MLN: variants seen among roughly 807,000 people sequenced by gnomAD.
The protein encoded by MLN is promotilin.
A neutral mutation model predicts 13.3 loss-of-function variants in MLN; 14 were observed. The observed-to-expected ratio is 1.05, with a 90% CI of 0.69 to 1.64. The LOEUF is 1.64. MLN is among the 40% of genes most tolerant of loss of function. The pLI, the probability that MLN is intolerant of heterozygous loss-of-function variation, is 0.00. For missense variants in MLN, 122 were observed against 142.9 expected (o/e 0.85, Z 0.75); for synonymous variants, 59 against 54.7 (o/e 1.08, Z -0.34).
intron 3 of MLN, among the ~76,000 whole-genome samples, chr6:33,796,928 G>A (rs574219330): frequency 3.9e-5 from 6 of 152,176 alleles, no homozygotes; most frequent in South Asian, 2.1e-4. Flanking sequence ...CTCAAACTCC[G>A]ACTCAGCTGC....
At chr6:33,802,927 C>T (rs1254902925) in intron 1 of MLN, among the ~76,000 whole-genome samples, 4 of 152,152 alleles carry the variant, frequency 2.6e-5, no homozygotes, top group Non-Finnish European at 5.9e-5. Context: ...CATCCCATTT[C>T]CTTCACAGAG....
intron 3 of MLN, among the ~76,000 whole-genome samples, chr6:33,798,856 G>A (rs960539710): frequency 6.6e-6 from 1 of 152,036 alleles, no homozygotes; most frequent in Non-Finnish European, 1.5e-5. Flanking sequence ...CAGGGACAAA[G>A]CAGTCTCCCA....
chr6:33,797,778 C>G (rs929866120), intron 3 of MLN, among the ~76,000 whole-genome samples: 1 of 152,118 alleles, frequency 6.6e-6, no homozygotes, highest in Non-Finnish European at 1.5e-5. Context: ...TGCCTTTGTC[C>G]GGTCCCTTCA....
chr6:33,801,295 C>T, intron 1 of MLN, 125 bp from the exon 2 acceptor site: 1 of 695,062 alleles, frequency 1.4e-6, no homozygotes, highest in South Asian at 1.8e-5. Context: ...TCAGCCAAAG[C>T]TCAGCCTGTC....
chr6:33,795,779 G>C (rs1767902728), intron 3 of MLN, among the ~76,000 whole-genome samples, 174 bp from the exon 4 acceptor site: 1 of 152,080 alleles, frequency 6.6e-6, no homozygotes. Context: ...TAACCAGAGG[G>C]CTGGATCCTG....
rs1767868002 is a variant in MLN at position 33,794,712 on chromosome 6, T to C, written c.*113A>G. The C allele has an allele frequency of 4.8e-6, 6 of 1,247,336 alleles. No individual in the cohort carries two copies. The highest frequency in any genetic ancestry group is 6.7e-6 in the Non-Finnish European group (6 of 900,918). 77.3% of individuals were successfully genotyped at this position (1,247,336 alleles called of 1,614,324 possible). On this transcript the variant is annotated 3_prime_UTR_variant, in exon 5 of 5. Transcript: ENST00000430124. ...TTTATTTGCTGGAGGGGAATTTGCTTTGGAAAGGGTGTTTTCCTTCCAAGC... is the reference window on the plus strand; with the variant it reads ...TTTATTTGCTGGAGGGGAATTTGCTCTGGAAAGGGTGTTTTCCTTCCAAGC...
intron 3 of MLN, among the ~76,000 whole-genome samples, chr6:33,796,484 C>G (rs959492322): frequency 6.6e-6 from 1 of 152,200 alleles, no homozygotes; most frequent in Admixed American, 6.5e-5. Context: ...TCCCCGTCCC[C>G]GCTCCGCAGA....
intron 1 of MLN, among the ~76,000 whole-genome samples, chr6:33,802,377 C>T (rs1760863144): frequency 6.6e-6 from 1 of 152,154 alleles, no homozygotes; most frequent in Non-Finnish European, 1.5e-5. Flanking sequence ...AAGCGCTCCT[C>T]CAGTCCCCAG....
chr6:33,798,560 C>T (rs183458261), intron 3 of MLN, among the ~76,000 whole-genome samples: 10 of 152,346 alleles, frequency 6.6e-5, no homozygotes, highest in African/African-American at 2.2e-4. Flanking sequence ...TTCTTGCCTC[C>T]ACTCATGCTG....
intron 3 of MLN, among the ~76,000 whole-genome samples, chr6:33,797,127 GC>G (rs1289110709): frequency 6.6e-6 from 1 of 152,230 alleles, no homozygotes; most frequent in East Asian, 1.9e-4. Context: ...AAGATCACTG[GC>G]CTGTGTCCAG....
Position 33,803,241 on chromosome 6 carries a change from G to A in MLN, c.-8+712C>T, listed in dbSNP as rs573471848. Among the ~76,000 whole-genome samples the A allele has an allele frequency of 2.6e-5, 4 of 151,986 alleles. No individual in the cohort carries two copies. The highest frequency in any genetic ancestry group is 2.1e-4 in the South Asian group (1 of 4,824). On this transcript the variant is annotated intron_variant, in intron 1 of 4. Coordinates refer to ENST00000430124, the MANE Select transcript of MLN (RefSeq NM_002418.3). This position sits in a 1 kb window ranked among gnomAD's most constrained non-coding sequence, Gnocchi z 4.5. ...GCCCTCCCTTGCAGCACCCCTGGCC[G>A]GGCTAGCCTTGCCTCCCCATGTGCT... is the stretch of plus-strand genomic sequence containing the variant.
At chr6:33,801,484 C>T in intron 1 of MLN, among the ~76,000 whole-genome samples, 1 of 152,188 alleles carries the variant, frequency 6.6e-6, no homozygotes, top group South Asian at 2.1e-4. Context: ...CTTCTGGGGT[C>T]AGCTGGACTC....
Position 33,799,065 on chromosome 6 carries a change from T to G in MLN, c.234+40A>C. The stretch of plus-strand genomic sequence containing the variant: ...AGGCCAGGCAGGGGAATGCATGCCC[T>G]GCTCTGAGTTTCTCTCCTTTGTCCC... On this transcript the variant is annotated intron_variant, in intron 3 of 4. Transcript: ENST00000430124. This position sits in a 1 kb window ranked among gnomAD's most constrained non-coding sequence, Gnocchi z 4.6. 6.9e-7 allele frequency: 1 copy of G among 1,441,068 alleles called. No homozygotes were observed. The highest frequency in any genetic ancestry group is 1.2e-5 in the South Asian group (1 of 85,458). The allele number at this position is 1,441,068 out of a possible 1,614,324, so 89.3% of individuals were successfully genotyped here.
rs763778072 is a variant in MLN, at chr6:33,799,183, A to T, written c.156T>A (p.Ser52Arg). The T allele has an allele frequency of 6.2e-7, 1 of 1,612,232 alleles. No homozygotes were observed. The highest frequency in any genetic ancestry group is 2.2e-5 in the East Asian group (1 of 44,808). The part of the protein sequence containing the change: ...ERNKGQKKSL[S>R]VWQRSGEEGP... ...CTTCCTCCCCAGACCTCTGCCATAC[A>T]CTCAGGGATTTCTTTTGCCCTTTAT... The change falls in exon 3 of 5, where the codon AGT (serine) becomes AGA (arginine). Residue 52 changes from serine (S) to arginine (R), a missense_variant. Coordinates refer to ENST00000430124, the MANE Select transcript of MLN (RefSeq NM_002418.3). The surrounding 1 kb of genome is among the most constrained non-coding windows in gnomAD (Gnocchi z 4.6).
intron 2 of MLN, among the ~76,000 whole-genome samples, chr6:33,800,134 A>G (rs535803093): frequency 1.3e-5 from 2 of 152,206 alleles, no homozygotes; most frequent in African/African-American, 2.4e-5. Flanking sequence ...ACCTCCCCAC[A>G]TAAAGTGGGC....
At chr6:33,798,005 G>A (rs1767962937) in intron 3 of MLN, among the ~76,000 whole-genome samples, 1 of 152,182 alleles carries the variant, frequency 6.6e-6, no homozygotes, top group Non-Finnish European at 1.5e-5. Context: ...CCTTGGCACT[G>A]GCTGTTGCTT....
At chr6:33,800,756 C>T (rs142489501) in intron 2 of MLN, among the ~76,000 whole-genome samples, 9 of 152,364 alleles carry the variant, frequency 5.9e-5, no homozygotes, top group East Asian at 3.9e-4. Context: ...TCTGCATGCT[C>T]GGGCTCATCG....
chr6:33,802,302 G>T (rs1231784971), intron 1 of MLN, among the ~76,000 whole-genome samples: 1 of 152,150 alleles, frequency 6.6e-6, no homozygotes, highest in African/African-American at 2.4e-5. Context: ...AAGCAGGGAG[G>T]GGAGGCCGGG....
chr6:33,797,176 C>T (rs1323287589), intron 3 of MLN, among the ~76,000 whole-genome samples: 1 of 152,250 alleles, frequency 6.6e-6, no homozygotes, highest in Non-Finnish European at 1.5e-5. Context: ...GCCCTGACTC[C>T]TGTGTGACCG....
Sources: allele counts gnomAD v4.1 joint callset (sites outside exome capture counted in the v4.1 genomes callset), GRCh38; gene constraint gnomAD v4.1.1; non-coding constraint Gnocchi (gnomAD v3.1); transcripts MANE v1.5; gene names NCBI Gene and HGNC (gene_info 2026-07-23, HGNC 2026-07-21).